The following NAV2 variants were observed in gnomAD, a reference collection of about 807,000 sequenced individuals.
NAV2 encodes the protein helicase, APC down-regulated 1.
In NAV2, 54 loss-of-function variants were observed where a neutral mutation model predicts 223.2. The observed-to-expected ratio is 0.24, with a 90% confidence interval of 0.19 to 0.30. The LOEUF (loss-of-function observed/expected upper bound fraction) is 0.30, where lower values mean the gene tolerates loss of function less well. Among genes scored for constraint, NAV2 ranks in the 10% least tolerant of loss-of-function variants. The pLI, the probability that NAV2 is intolerant of heterozygous loss-of-function variation, is 1.00. For missense variants in NAV2, 2,806 were observed against 3,147.5 expected, an observed-to-expected ratio of 0.89 and a Z score of 2.60; for synonymous variants, 1,279 against 1,239.3, an observed-to-expected ratio of 1.03 and a Z score of -0.67.
At position 20,045,158 on chromosome 11, in the gene NAV2, C is replaced by T. The variant is rs777309149; in HGVS notation, c.3390C>T (p.Ala1130=). The change falls in exon 14 of 38, where the codon GCC becomes GCT. Residue 1130 remains alanine, a synonymous_variant. Coordinates refer to ENST00000349880, the MANE Select transcript of NAV2 (RefSeq NM_145117.5). ...FGFKKQSGSA[A]GLAMITASGV... ...TCAAGAAGCAGAGTGGTTCCGCCGC[C>T]GGCCTGGCCATGATCACAGCCAGCG... 1.7e-5 allele frequency: 27 copies of T among 1,614,128 alleles called. No individual in the cohort carries two copies. In the African/African-American group the frequency reaches 1.7e-4, roughly 10 times the overall value.
intron 1 of NAV2, among the ~76,000 whole-genome samples, chr11:19,784,006 G>A (rs1295938837): frequency 1.3e-5 from 2 of 152,160 alleles, no homozygotes; most frequent in Non-Finnish European, 2.9e-5. Context: ...TTTTTATGGT[G>A]ATGAATGCTA....
chr11:19,965,468 G>C (rs2048695241), intron 10 of NAV2, among the ~76,000 whole-genome samples: 1 of 151,984 alleles, frequency 6.6e-6, no homozygotes, highest in South Asian at 2.1e-4. Context: ...CACTGAATTT[G>C]ATGGATTCCA....
chr11:19,594,466 T>C (rs1392762121), intron 1 of NAV2, among the ~76,000 whole-genome samples: 1 of 151,832 alleles, frequency 6.6e-6, no homozygotes, highest in African/African-American at 2.4e-5. Flanking sequence ...TTCTCCTGTG[T>C]CTTCTGTATC....
At chr11:19,859,780 C>A (rs1452079169) in intron 3 of NAV2, among the ~76,000 whole-genome samples, 4 of 148,314 alleles carry the variant, frequency 2.7e-5, no homozygotes, top group Admixed American at 6.6e-5. Flanking sequence ...CTGACCCCCC[C>A]ACCTCCCTCC....
Position 19,933,961 on chromosome 11 carries a change from C to T in NAV2, c.1717C>T (p.Pro573Ser), listed in dbSNP as rs765279737. 1 of 1,596,522 alleles carries T rather than the reference C, an allele frequency of 6.3e-7. No homozygotes were observed. Among genetic ancestry groups the T allele is most frequent in the Admixed American group, 1.8e-5 (1 of 56,746 alleles). The part of the protein sequence containing the change: ...GIPKPGMKSM[P>S]GKSPSAPAPS... ...ACCAAAACCAGGAATGAAAAGCATG[C>T]CCGGGAAATCCCCAAGTGCCCCAGC... The change falls in exon 7 of 38, where the codon CCC becomes TCC. Residue 573 changes from proline (P) to serine (S), a missense_variant. Pro to Ser is a moderately conservative substitution (Grantham distance 74). Coordinates refer to ENST00000349880, the MANE Select transcript of NAV2 (RefSeq NM_145117.5). The surrounding 1 kb of genome is among the most constrained non-coding windows in gnomAD (Gnocchi z 4.3).
intron 1 of NAV2, among the ~76,000 whole-genome samples, chr11:19,670,403 C>A (rs2048545632): frequency 6.6e-6 from 1 of 152,242 alleles, no homozygotes; most frequent in African/African-American, 2.4e-5. Context: ...GGGACTCCCG[C>A]TGAGTTTACA....
chr11:19,817,186 C>A (rs901141750), intron 1 of NAV2, among the ~76,000 whole-genome samples: 2 of 152,174 alleles, frequency 1.3e-5, no homozygotes, highest in Non-Finnish European at 2.9e-5. Context: ...TAGCCACTCA[C>A]CTGCCCTGGT....
At chr11:19,586,395 C>T (rs1001447774) in intron 1 of NAV2, among the ~76,000 whole-genome samples, 8 of 152,204 alleles carry the variant, frequency 5.3e-5, no homozygotes, top group Non-Finnish European at 7.3e-5. Flanking sequence ...AGTCATTCTC[C>T]GTCCAGCTTT....
chr11:19,734,586 C>G (rs547433627), intron 1 of NAV2, among the ~76,000 whole-genome samples: 1 of 152,324 alleles, frequency 6.6e-6, no homozygotes, highest in African/African-American at 2.4e-5. Flanking sequence ...TAAGATCTCC[C>G]TCCTTCCAGG....
chr11:20,059,479 T>C (rs1208373105), intron 19 of NAV2, among the ~76,000 whole-genome samples: 1 of 152,198 alleles, frequency 6.6e-6, no homozygotes, highest in Non-Finnish European at 1.5e-5. Context: ...TTTTCACTCC[T>C]ACTAAAGCAT....
At chr11:19,775,056 C>A (rs2056043430) in intron 1 of NAV2, among the ~76,000 whole-genome samples, 1 of 152,154 alleles carries the variant, frequency 6.6e-6, no homozygotes, top group Admixed American at 6.5e-5. Context: ...CTTTATCCAG[C>A]CACTCAACTC....
At chr11:19,439,993 C>T (rs2702647) in intron 1 of NAV2, among the ~76,000 whole-genome samples, 36,993 of 152,174 alleles carry the variant, frequency 0.24, 4,974 homozygotes, top group Non-Finnish European at 0.31. Context: ...ACCCTTTTGA[C>T]CAGACCTTCA....
chr11:19,515,863 G>T (rs1321240360), intron 1 of NAV2, among the ~76,000 whole-genome samples: 1 of 152,170 alleles, frequency 6.6e-6, no homozygotes, highest in Non-Finnish European at 1.5e-5. Context: ...GATGGGATGA[G>T]GCATGTGAGT....
chr11:19,494,352 C>T (rs538343289), intron 1 of NAV2, among the ~76,000 whole-genome samples: 87 of 152,292 alleles, frequency 5.7e-4, no homozygotes, highest in Middle Eastern at 3.4e-3. Flanking sequence ...ATAAATTTTT[C>T]TTTCCCCCTA....
rs75298465 is a variant in NAV2 at position 19,608,828 on chromosome 11, C to A, written c.76-223656C>A. On this transcript the variant is annotated intron_variant, in intron 1 of 37. Transcript: ENST00000360655. The stretch of plus-strand genomic sequence containing the variant: ...TCCGAGTTGAAAATCTAGGTGTCAG[C>A]AGGGCTGCATTCCTCCTGGAGGCTC... 2.1e-3 allele frequency among the ~76,000 whole-genome samples: 327 copies of A among 152,330 alleles called. 1 individual carries two copies. The highest frequency in any genetic ancestry group is 7.4e-3 in the African/African-American group (307 of 41,578).
chr11:19,611,906 C>T (rs2135337483), intron 1 of NAV2, among the ~76,000 whole-genome samples: 1 of 152,336 alleles, frequency 6.6e-6, no homozygotes, highest in Non-Finnish European at 1.5e-5. Flanking sequence ...GGATCCCACC[C>T]ATATTTTCCT....
chr11:19,877,339 A>G (rs868083846), intron 4 of NAV2, among the ~76,000 whole-genome samples: 90 of 152,288 alleles, frequency 5.9e-4, no homozygotes, highest in African/African-American at 1.9e-3. Context: ...TAAATCTTAC[A>G]TAGATTTCAT....
chr11:19,590,085 G>A (rs560787340), intron 1 of NAV2, among the ~76,000 whole-genome samples: 1 of 152,298 alleles, frequency 6.6e-6, no homozygotes, highest in South Asian at 2.1e-4. Flanking sequence ...GCGAGCATTG[G>A]TCAAATTACT....
chr11:19,458,744 G>T (rs1159410147), intron 1 of NAV2, among the ~76,000 whole-genome samples: 4 of 152,346 alleles, frequency 2.6e-5, no homozygotes, highest in Admixed American at 6.5e-5. Context: ...CACATGTGAA[G>T]AATAATGCTC....
Sources: gnomAD v4.1 joint callset for allele counts (sites outside exome capture counted in the v4.1 genomes callset) on GRCh38, gnomAD v4.1.1 for gene constraint, Gnocchi (gnomAD v3.1) non-coding constraint, MANE v1.5 for transcripts, NCBI Gene and HGNC (gene_info 2026-07-23, HGNC 2026-07-21) for gene names.